MACROD2: variants seen among roughly 807,000 people sequenced by gnomAD.
The protein encoded by MACROD2 is mono-ADP ribosylhydrolase 2.
In MACROD2, 36 loss-of-function variants were observed where a neutral mutation model predicts 70.4. The ratio of observed to expected loss-of-function variants is 0.51; its 90% CI spans 0.39 to 0.68. The LOEUF is 0.68. Ranked by LOEUF, MACROD2 falls within the 30% of genes least tolerant of loss-of-function variation. The pLI is 0.00. For synonymous variants in MACROD2, 172 were observed against 178.8 expected, an observed-to-expected ratio of 0.96 and a Z score of 0.30; for missense variants, 496 against 538.4, an observed-to-expected ratio of 0.92 and a Z score of 0.78.
intron 5 of MACROD2, among the ~76,000 whole-genome samples, chr20:15,035,182 C>T (rs1220607406): frequency 6.6e-6 from 1 of 151,974 alleles, no homozygotes; most frequent in Non-Finnish European, 1.5e-5. Context: ...TTGCTTAAGC[C>T]CAGGAGTTCC....
intron 5 of MACROD2, among the ~76,000 whole-genome samples, chr20:14,997,476 G>T (rs2074959870): frequency 6.6e-6 from 1 of 152,064 alleles, no homozygotes; most frequent in African/African-American, 2.4e-5. Context: ...GTGACTCACT[G>T]CATTCCCAGC....
intron 5 of MACROD2, among the ~76,000 whole-genome samples, chr20:15,035,734 A>G (rs1237248256): frequency 2.6e-5 from 4 of 152,188 alleles, no homozygotes; most frequent in Admixed American, 6.5e-5. Context: ...CCAACGGACA[A>G]CAGGATCTTT....
At chr20:15,881,421 C>T (rs183147212) in intron 9 of MACROD2, among the ~76,000 whole-genome samples, 5 of 152,166 alleles carry the variant, frequency 3.3e-5, no homozygotes, top group Admixed American at 3.3e-4. Context: ...GGAAAACTGT[C>T]CTCATGCACT....
intron 5 of MACROD2, among the ~76,000 whole-genome samples, chr20:15,078,494 G>C (rs1012170468): frequency 1.3e-5 from 2 of 152,212 alleles, no homozygotes; most frequent in East Asian, 1.9e-4. Context: ...GGTGATATAG[G>C]CTTCAATTTT....
chr20:14,079,957 G>A (rs548075650), intron 2 of MACROD2, among the ~76,000 whole-genome samples: 241 of 152,072 alleles, frequency 1.6e-3, no homozygotes, highest in Non-Finnish European at 2.9e-3. Context: ...AAACTGGTCC[G>A]TTGAACCAAA....
intron 5 of MACROD2, among the ~76,000 whole-genome samples, chr20:14,980,112 T>C (rs1407442629): frequency 3.3e-5 from 5 of 152,186 alleles, no homozygotes; most frequent in Non-Finnish European, 1.5e-5. Context: ...GTCATTTGAA[T>C]ATTTGTCCTC....
At chr20:15,049,445 ATAT>A (rs2075421784) in intron 5 of MACROD2, among the ~76,000 whole-genome samples, 3 of 152,076 alleles carry the variant, frequency 2.0e-5, no homozygotes, top group Admixed American at 2.0e-4. Context: ...TCATTGGCAA[ATAT>A]TATTTTTCAA....
intron 3 of MACROD2, among the ~76,000 whole-genome samples, chr20:14,376,978 T>A (rs1449665205): frequency 6.6e-6 from 1 of 152,078 alleles, no homozygotes; most frequent in Non-Finnish European, 1.5e-5. Flanking sequence ...AATATTGGCA[T>A]AACTTCCAGC....
At chr20:14,577,610 T>C (rs1203995230) in intron 4 of MACROD2, among the ~76,000 whole-genome samples, 3 of 151,870 alleles carry the variant, frequency 2.0e-5, no homozygotes, top group African/African-American at 7.3e-5. Context: ...TGAGACCCTA[T>C]CTCAAAAAAA....
chr20:15,429,703 G>A (rs2046341360), intron 6 of MACROD2, among the ~76,000 whole-genome samples: 1 of 152,042 alleles, frequency 6.6e-6, no homozygotes. Flanking sequence ...AGCAGCTGCA[G>A]TTTTTAGATT....
At chr20:14,331,927 C>T (rs780235582) in intron 3 of MACROD2, among the ~76,000 whole-genome samples, 3 of 152,062 alleles carry the variant, frequency 2.0e-5, no homozygotes, top group East Asian at 1.9e-4. Context: ...CCTTTCTGTC[C>T]GCCTAGGCTT....
chr20:15,974,818 C>G (rs181003011), intron 13 of MACROD2, among the ~76,000 whole-genome samples: 110 of 152,066 alleles, frequency 7.2e-4, no homozygotes, highest in Non-Finnish European at 9.6e-4. Context: ...TACTTGCAGA[C>G]ACAGGATGGT....
At position 14,975,411 on chromosome 20, in the gene MACROD2, G is replaced by A. The variant is rs534979073; in HGVS notation, c.419-254529G>A. Among the ~76,000 whole-genome samples, 173 of 152,260 alleles carry A rather than the reference G, an allele frequency of 1.1e-3. 3 individuals carry two copies. Among genetic ancestry groups the A allele is most frequent in the African/African-American group, 3.7e-3 (155 of 41,554 alleles). ...AAAGGAGTAGATCAGACGGCAGCAG[G>A]CTGGGGCGGGCAGGTGGGAAAGCAG... On this transcript the variant is annotated intron_variant, in intron 5 of 17. Transcript: ENST00000684519.
rs370785400 is a variant in MACROD2, at chr20:15,565,994, G to A, written c.645+66147G>A. On this transcript the variant is annotated intron_variant, in intron 8 of 17. Transcript: ENST00000684519. The stretch of plus-strand genomic sequence containing the variant: ...ATTTGCCTTATCTGTGAAATAAAAC[G>A]ACTCAGGCACGTGATCTCTGAGCTT... Among the ~76,000 whole-genome samples, 100 of 152,178 alleles carry A rather than the reference G, an allele frequency of 6.6e-4. No homozygotes were observed. In the South Asian group the frequency reaches 0.01, roughly 15 times the overall value.
intron 3 of MACROD2, among the ~76,000 whole-genome samples, chr20:14,109,590 A>C (rs570617584): frequency 1.3e-5 from 2 of 152,120 alleles, no homozygotes; most frequent in East Asian, 3.9e-4. Context: ...GCAAAAACTC[A>C]AAGGATCACT....
intron 9 of MACROD2, among the ~76,000 whole-genome samples, chr20:15,870,235 A>ATATTATTATTATTATTAT (rs74175654): frequency 9.4e-5 from 14 of 148,944 alleles, no homozygotes; most frequent in African/African-American, 3.2e-4. Flanking sequence ...GTTGGGTTTT[A>ATATTATTATTATTATTAT]TATTATTATT....
chr20:15,046,651 T>C (rs1360821035), intron 5 of MACROD2, among the ~76,000 whole-genome samples: 1 of 152,190 alleles, frequency 6.6e-6, no homozygotes, highest in Non-Finnish European at 1.5e-5. Context: ...AAATCTTGGA[T>C]TCTTCTTTTG....
intron 5 of MACROD2, among the ~76,000 whole-genome samples, chr20:14,886,984 T>G (rs147155992): frequency 6.6e-6 from 1 of 152,314 alleles, no homozygotes; most frequent in African/African-American, 2.4e-5. Context: ...CATACACTTC[T>G]CTGAAAATAA....
intron 7 of MACROD2, among the ~76,000 whole-genome samples, chr20:15,491,098 A>G (rs2047226162): frequency 6.6e-6 from 1 of 152,206 alleles, no homozygotes; most frequent in Admixed American, 6.5e-5. Context: ...TGCTCAGTAA[A>G]TGCTAACAGC....
Sources: gnomAD v4.1 joint callset for allele counts (sites outside exome capture counted in the v4.1 genomes callset) on GRCh38, gnomAD v4.1.1 for gene constraint, MANE v1.5 for transcripts, NCBI Gene and HGNC (gene_info 2026-07-23, HGNC 2026-07-21) for gene names.